Variants in CARS1 observed in about 807,000 individuals in gnomAD.
CARS1 encodes the protein cysteine--tRNA ligase, cytoplasmic.
CARS1 carries 48 observed loss-of-function variants against 106.2 expected under a neutral mutation model. The ratio of observed to expected loss-of-function variants is 0.45; its 90% confidence interval spans 0.36 to 0.57. The LOEUF (loss-of-function observed/expected upper bound fraction) is 0.57, where lower values mean the gene tolerates loss of function less well. Among genes scored for constraint, CARS1 ranks in the 20% least tolerant of loss-of-function variants. The pLI is 0.00. For synonymous variants in CARS1, 409 were observed against 403.4 expected, an observed-to-expected ratio of 1.01 and a Z score of -0.17; for missense variants, 968 against 1,057.2, an observed-to-expected ratio of 0.92 and a Z score of 1.17.
chr11:3,006,429 G>A (rs1045231095), intron 19 of CARS1, among the ~76,000 whole-genome samples: 4 of 152,240 alleles, frequency 2.6e-5, no homozygotes, highest in Admixed American at 6.5e-5. Context: ...CTGGGCGACA[G>A]AGCGAAACTC....
chr11:3,012,217 C>T lies in CARS1; in HGVS notation c.2046G>A (p.Arg682=). 1 of 1,614,252 alleles carries T rather than the reference C, an allele frequency of 6.2e-7. No individual in the cohort carries two copies. Among genetic ancestry groups the T allele is most frequent in the Non-Finnish European group, 8.5e-7 (1 of 1,180,030 alleles). Residue 682 remains arginine, a synonymous_variant, in exon 18 of 23, where the codon CGG becomes CGA. Coordinates refer to ENST00000380525, the MANE Select transcript of CARS1 (RefSeq NM_001014437.3). ...CACCTTTTTGCTCTCGGGCAATCTT[C>T]CGCACTCCTTCTCGGAATTCTGATA... ...QVLSEFREGV[R]KIAREQKVPE... is the part of the protein sequence containing the mutation.
rs1853267847 is a variant in CARS1, at chr11:3,034,188, G to GTTCTTTTT, written c.801+3861_801+3862insAAAAAGAA. Among the ~76,000 whole-genome samples the GTTCTTTTT allele has an allele frequency of 6.6e-6, 1 of 151,534 alleles. No individual in the cohort carries two copies. Among genetic ancestry groups the GTTCTTTTT allele is most frequent in the Non-Finnish European group, 1.5e-5 (1 of 67,878 alleles). ...TAGTCTGTTTTCTGTTTTTTTGTTT[G>GTTCTTTTT]TTTGTTCTTTTTTTTGTTTTCTGTT... On this transcript the variant is annotated intron_variant, in intron 7 of 22. Transcript: ENST00000380525. The surrounding 1 kb of genome is among the most constrained non-coding windows in gnomAD (Gnocchi z 6.3).
In CARS1 at chr11:3,052,867, GT is replaced by G. The variant is rs1297297666; in HGVS notation, c.25+4475del. Among the ~76,000 whole-genome samples the G allele has an allele frequency of 1.3e-5, 2 of 152,236 alleles. No individual in the cohort carries two copies. The highest frequency in any genetic ancestry group is 1.3e-4 in the Admixed American group (2 of 15,288). ...CAGACTGAAAACCTCCCAGGGACCT[GT>G]TCCTCGACACTGGCCCTCATCGTAG... On this transcript the variant is annotated intron_variant, in intron 1 of 22. Coordinates refer to ENST00000380525, the MANE Select transcript of CARS1 (RefSeq NM_001014437.3). This position sits in a 1 kb window ranked among gnomAD's most constrained non-coding sequence, Gnocchi z 4.6.
chr11:3,054,398 C>T (rs1002706365), intron 1 of CARS1, among the ~76,000 whole-genome samples: 67 of 152,250 alleles, frequency 4.4e-4, no homozygotes, highest in Non-Finnish European at 5.0e-4. Flanking sequence ...GCTTAATCTC[C>T]ACCCCAAGGG....
Position 3,005,965 on chromosome 11 carries a change from T to C in CARS1, c.2150-532A>G, listed in dbSNP as rs77626101. Among the ~76,000 whole-genome samples the C allele has an allele frequency of 3.5e-3, 526 of 152,080 alleles. 4 individuals are homozygous for C. Among genetic ancestry groups the C allele is most frequent in the African/African-American group, 0.012 (484 of 41,480 alleles). Reference sequence around the variant, plus strand: ...GTCTTGCCAGCCAGGAGTAGGAAAATAGGACATGACATCTGAGATTTAAAA... The same window carrying C: ...GTCTTGCCAGCCAGGAGTAGGAAAACAGGACATGACATCTGAGATTTAAAA... On this transcript the variant is annotated intron_variant, in intron 19 of 22. Coordinates refer to ENST00000380525, the MANE Select transcript of CARS1 (RefSeq NM_001014437.3).
Position 3,018,631 on chromosome 11 carries a change from T to C in CARS1, c.1514A>G (p.Lys505Arg), listed in dbSNP as rs762347372. The C allele has an allele frequency of 1.9e-6, 3 of 1,614,252 alleles. No individual in the cohort carries two copies. Among genetic ancestry groups the C allele is most frequent in the Non-Finnish European group, 2.5e-6 (3 of 1,180,042 alleles). Reference protein sequence around the residue: ...KNFITIKDALKKHSARQLRLA... With the variant: ...KNFITIKDALRKHSARQLRLA... ...AAGCCAGTGTATACCTGAGTGCTTT[T>C]TCAAGGCATCTTTAATGGTGATGAA... The change falls in exon 13 of 23, where the codon AAA (lysine) becomes AGA (arginine). Residue 505 changes from lysine (K) to arginine (R), a missense_variant. By Grantham distance (26) the Lys-to-Arg change is conservative. Coordinates refer to ENST00000380525, the MANE Select transcript of CARS1 (RefSeq NM_001014437.3).
At position 3,030,994 on chromosome 11, in the gene CARS1, G is replaced by T. The variant is rs1243043026; in HGVS notation, c.802-1551C>A. The T allele has an allele frequency of 6.6e-6, 1 of 152,198 alleles. No homozygotes were observed. The highest frequency in any genetic ancestry group is 1.5e-5 in the Non-Finnish European group (1 of 68,050). 9.4% of individuals were successfully genotyped at this position (152,198 alleles called of 1,614,324 possible). ...GGAAAATTTTATGAAAGACAGGTTA[G>T]GAGACACGGAGAAGGATGAGATGAA... On this transcript the variant is annotated intron_variant, in intron 7 of 22. Coordinates refer to ENST00000380525, the MANE Select transcript of CARS1 (RefSeq NM_001014437.3). The surrounding 1 kb of genome is among the most constrained non-coding windows in gnomAD (Gnocchi z 5.7).
rs753962155 is a variant in CARS1 at position 3,043,144 on chromosome 11, C to T, written c.275-888G>A. Among the ~76,000 whole-genome samples the T allele has an allele frequency of 4.6e-5, 7 of 152,180 alleles. No homozygotes were observed. The highest frequency in any genetic ancestry group is 2.1e-4 in the South Asian group (1 of 4,832). ...ACTTCCCTAGTTGTTCCCCTCCACTCGCCTGTGGGCCGCCTGGGCTGCTCT... is the reference window on the plus strand; with the variant it reads ...ACTTCCCTAGTTGTTCCCCTCCACTTGCCTGTGGGCCGCCTGGGCTGCTCT... On this transcript the variant is annotated intron_variant, in intron 2 of 22. Transcript: ENST00000380525. This position sits in a 1 kb window ranked among gnomAD's most constrained non-coding sequence, Gnocchi z 4.0.
intron 10 of CARS1, among the ~76,000 whole-genome samples, chr11:3,023,205 C>T (rs1851736465): frequency 6.6e-6 from 1 of 152,168 alleles, no homozygotes; most frequent in South Asian, 2.1e-4. Context: ...CATTCCTTCA[C>T]CACGTGACCT....
In CARS1 at chr11:3,043,401, T is replaced by C. The variant is rs775461072; in HGVS notation, c.275-1145A>G. On this transcript the variant is annotated intron_variant, in intron 2 of 22. Transcript: ENST00000380525. The surrounding 1 kb of genome is among the most constrained non-coding windows in gnomAD (Gnocchi z 4.0). The stretch of plus-strand genomic sequence containing the variant: ...CTGCCTGCCCTGCCCCCTCAGCAGA[T>C]CCCCACTTTTCTCCACAGTCGTCGC... Among the ~76,000 whole-genome samples the C allele has an allele frequency of 6.6e-6, 1 of 151,922 alleles. No homozygotes were observed. The highest frequency in any genetic ancestry group is 1.5e-5 in the Non-Finnish European group (1 of 67,988).
chr11:3,052,005 T>G lies in CARS1; in HGVS notation c.26-4004A>C, dbSNP rs1855742932. On this transcript the variant is annotated intron_variant, in intron 1 of 22. Coordinates refer to ENST00000380525, the MANE Select transcript of CARS1 (RefSeq NM_001014437.3). This position sits in a 1 kb window ranked among gnomAD's most constrained non-coding sequence, Gnocchi z 4.6. Reference sequence around the variant, plus strand: ...CCAGCAACAGCCCGAACACTGACAGTGACGATGGTTGATGAGAGGGGGTGA... The same window carrying G: ...CCAGCAACAGCCCGAACACTGACAGGGACGATGGTTGATGAGAGGGGGTGA... 6.6e-6 allele frequency among the ~76,000 whole-genome samples: 1 copy of G among 152,254 alleles called. No homozygotes were observed. The highest frequency in any genetic ancestry group is 2.1e-4 in the South Asian group (1 of 4,830).
rs145985522 is a variant in CARS1, at chr11:3,006,944, T to C, written c.2084A>G (p.Gln695Arg). Residue 695 changes from glutamine (Q) to arginine (R), a missense_variant, in exon 19 of 23, where the codon CAG becomes CGG. Coordinates refer to ENST00000380525, the MANE Select transcript of CARS1 (RefSeq NM_001014437.3). ...AREQKVPEILQLSDALRDNIL... is the reference protein window; with the variant it reads ...AREQKVPEILRLSDALRDNIL... ...GTTGTCCCGCAGGGCATCGCTGAGC[T>C]GCAGAATCTCAGGGACTGTAGGAGA... 3.9e-4 allele frequency: 637 copies of C among 1,613,914 alleles called. No individual in the cohort carries two copies. Among genetic ancestry groups the C allele is most frequent in the Middle Eastern group, 9.9e-4 (6 of 6,082 alleles).
chr11:3,004,264 C>T lies in CARS1; in HGVS notation c.2217+1102G>A, dbSNP rs1849650694. ...ACTGTCTAGAGCTTTCCCCAGAGTT[C>T]CAGTTCGTTATTCCTCCAAAGCACT... On this transcript the variant is annotated intron_variant, in intron 20 of 22. Coordinates refer to ENST00000380525, the MANE Select transcript of CARS1 (RefSeq NM_001014437.3). This position sits in a 1 kb window ranked among gnomAD's most constrained non-coding sequence, Gnocchi z 5.2. Among the ~76,000 whole-genome samples, 1 of 152,256 alleles carries T rather than the reference C, an allele frequency of 6.6e-6. No individual in the cohort carries two copies. Among genetic ancestry groups the T allele is most frequent in the African/African-American group, 2.4e-5 (1 of 41,474 alleles).
rs2134294571 is a variant in CARS1 at position 3,048,004 on chromosome 11, G to A, written c.26-3C>T. On this transcript the variant is annotated splice_region_variant and splice_polypyrimidine_tract_variant and intron_variant, in intron 1 of 22. Transcript: ENST00000380525. This position sits in a 1 kb window ranked among gnomAD's most constrained non-coding sequence, Gnocchi z 5.1. ...CAGAATGGACCTGTAGTCAGGAGCT[G>A]CAAAGACAGAGGGCACATGGTGTCA... 6.2e-7 allele frequency: 1 copy of A among 1,611,248 alleles called. No homozygotes were observed. Among genetic ancestry groups the A allele is most frequent in the Non-Finnish European group, 8.5e-7 (1 of 1,177,986 alleles).
rs909183993 is a variant in CARS1, at chr11:3,053,267, G to A, written c.25+4076C>T. Among the ~76,000 whole-genome samples the A allele has an allele frequency of 6.6e-5, 10 of 151,760 alleles. No homozygotes were observed. Among genetic ancestry groups the A allele is most frequent in the African/African-American group, 1.7e-4 (7 of 41,280 alleles). On this transcript the variant is annotated intron_variant, in intron 1 of 22. Coordinates refer to ENST00000380525, the MANE Select transcript of CARS1 (RefSeq NM_001014437.3). This position sits in a 1 kb window ranked among gnomAD's most constrained non-coding sequence, Gnocchi z 6.6. The stretch of plus-strand genomic sequence containing the variant: ...TATTTTTTGAGACGGAGTCTCGCTC[G>A]TCACCCAGGCTGGAGTGCAGTGGCA...
chr11:3,032,225 G>A (rs188926434), intron 7 of CARS1, among the ~76,000 whole-genome samples: 2 of 151,952 alleles, frequency 1.3e-5, no homozygotes, highest in African/African-American at 2.4e-5. Flanking sequence ...GTCACGTGAC[G>A]CCACGCCCAG....
rs976209097 is a variant in CARS1 at position 3,053,254 on chromosome 11, C to T, written c.25+4089G>A. On this transcript the variant is annotated intron_variant, in intron 1 of 22. Transcript: ENST00000380525. The surrounding 1 kb of genome is among the most constrained non-coding windows in gnomAD (Gnocchi z 6.6). ...TTTTATTTTATTTTATTTTTTGAGA[C>T]GGAGTCTCGCTCGTCACCCAGGCTG... is the stretch of plus-strand genomic sequence containing the variant. Among the ~76,000 whole-genome samples, 36 of 152,030 alleles carry T rather than the reference C, an allele frequency of 2.4e-4. No homozygotes were observed. Among genetic ancestry groups the T allele is most frequent in the African/African-American group, 7.2e-4 (30 of 41,462 alleles).
rs575644171 is a variant in CARS1 at position 3,004,383 on chromosome 11, T to A, written c.2217+983A>T. Among the ~76,000 whole-genome samples the A allele has an allele frequency of 1.3e-5, 2 of 152,342 alleles. No individual in the cohort carries two copies. The highest frequency in any genetic ancestry group is 4.1e-4 in the South Asian group (2 of 4,830). The stretch of plus-strand genomic sequence containing the variant: ...CTAGGCATAGATGCCTTCCCTGACC[T>A]TGTACATCCCATCTATCAATCAACC... On this transcript the variant is annotated intron_variant, in intron 20 of 22. Transcript: ENST00000380525. This position sits in a 1 kb window ranked among gnomAD's most constrained non-coding sequence, Gnocchi z 5.2.
intron 1 of CARS1, among the ~76,000 whole-genome samples, chr11:3,049,847 C>A (rs539603774): frequency 1.3e-5 from 2 of 152,376 alleles, no homozygotes; most frequent in East Asian, 3.9e-4. Context: ...CAAGCCCACA[C>A]AGCTTCTGAA....
Sources: allele counts gnomAD v4.1 joint callset (sites outside exome capture counted in the v4.1 genomes callset), GRCh38; gene constraint gnomAD v4.1.1; non-coding constraint Gnocchi (gnomAD v3.1); transcripts MANE v1.5; gene names NCBI Gene and HGNC (gene_info 2026-07-23, HGNC 2026-07-21).